ELF2: variants seen among roughly 807,000 people sequenced by gnomAD.
The protein encoded by ELF2 is ETS-related transcription factor Elf-2.
A neutral mutation model predicts 54.8 loss-of-function variants in ELF2; 11 were observed. The ratio of observed to expected loss-of-function variants is 0.20; its 90% CI spans 0.13 to 0.33. ELF2 has a LOEUF of 0.33. Ranked by LOEUF, ELF2 falls within the 10% of genes least tolerant of loss-of-function variation. ELF2 has a pLI of 1.00. For synonymous variants in ELF2, 203 were observed against 245.1 expected (o/e 0.83, Z 1.61); for missense variants, 513 against 703.0 (o/e 0.73, Z 3.06).
chr4:139,118,915 G>A (rs1005560494), intron 4 of ELF2, among the ~76,000 whole-genome samples: 2 of 146,164 alleles, frequency 1.4e-5, no homozygotes, highest in Non-Finnish European at 3.0e-5. Flanking sequence ...ACTCTGAAAA[G>A]GTTAAATACT....
intron 4 of ELF2, among the ~76,000 whole-genome samples, chr4:139,081,479 T>A (rs1466405742): frequency 2.0e-5 from 3 of 152,172 alleles, no homozygotes; most frequent in Non-Finnish European, 2.9e-5. Context: ...TGTATAAATA[T>A]CATTCTACAC....
intron 1 of ELF2, among the ~76,000 whole-genome samples, chr4:139,168,787 C>A (rs1741968286): frequency 6.6e-6 from 1 of 152,082 alleles, no homozygotes; most frequent in African/African-American, 2.4e-5. Context: ...AGGTGGGTCT[C>A]AAACTCCTGG....
chr4:139,146,178 C>T (rs940427816), intron 1 of ELF2, among the ~76,000 whole-genome samples: 1 of 152,146 alleles, frequency 6.6e-6, no homozygotes, highest in African/African-American at 2.4e-5. Flanking sequence ...TTAGTAAAAT[C>T]TTAGGTTACA....
At position 139,095,035 on chromosome 4, in the gene ELF2, AAAT is replaced by A. The variant is rs549077975; in HGVS notation, c.239-21471_239-21469del. Reference sequence around the variant, plus strand: ...TTTATGTGTTAATTAAGTCATCTGTAAATAATAACAATTTTGTTTCTTCTCTTC... The same window carrying A: ...TTTATGTGTTAATTAAGTCATCTGTAAATAACAATTTTGTTTCTTCTCTTC... On this transcript the variant is annotated intron_variant, in intron 4 of 9. Transcript: ENST00000686138. Among the ~76,000 whole-genome samples, 671 of 152,234 alleles carry A rather than the reference AAAT, an allele frequency of 4.4e-3. 8 individuals carry two copies. The highest frequency in any genetic ancestry group is 0.015 in the African/African-American group (639 of 41,542).
intron 4 of ELF2, among the ~76,000 whole-genome samples, chr4:139,076,002 TA>T: frequency 6.6e-6 from 1 of 152,322 alleles, no homozygotes; most frequent in East Asian, 1.9e-4. Context: ...CACTATACAC[TA>T]ACGATATGAA....
chr4:139,141,112 C>A (rs1467562441), intron 1 of ELF2, among the ~76,000 whole-genome samples: 1 of 152,154 alleles, frequency 6.6e-6, no homozygotes, highest in Admixed American at 6.5e-5. Flanking sequence ...CCCTTGCAGG[C>A]TCAACCCTCA....
intron 4 of ELF2, chr4:139,084,122 C>T (rs1296639635): frequency 6.2e-7 from 1 of 1,613,412 alleles, no homozygotes; most frequent in Non-Finnish European, 8.5e-7. Context: ...GAAAAGTTCC[C>T]CTGTCCTTAC....
intron 1 of ELF2, among the ~76,000 whole-genome samples, chr4:139,162,973 C>T (rs1250475388): frequency 6.6e-6 from 1 of 152,092 alleles, no homozygotes; most frequent in East Asian, 1.9e-4. Context: ...TAGCATGCTC[C>T]TGTAATCCCA....
intron 1 of ELF2, among the ~76,000 whole-genome samples, chr4:139,149,021 C>CA (rs1223557023): frequency 1.3e-5 from 2 of 152,168 alleles, no homozygotes; most frequent in Non-Finnish European, 2.9e-5. Context: ...GACTCAAAAA[C>CA]AAGATATTTT....
In ELF2 at chr4:139,059,375, C is replaced by A. The variant is rs569974845; in HGVS notation, c.1390G>T (p.Ala464Ser). Residue 464 changes from alanine (A) to serine (S), a missense_variant, in exon 10 of 10, where the codon GCT becomes TCT. By Grantham distance (99) the Ala-to-Ser change is moderately conservative (BLOSUM62 1). Around this residue, in one of 3 missense-constraint regions of ELF2, gnomAD observed 291 missense variants for 366.1 expected, o/e 0.79. Transcript: ENST00000686138. ...MQPAKIITIPATQLAQCQLQT... is the reference protein window; with the variant it reads ...MQPAKIITIPSTQLAQCQLQT... ...AGTTGACACTGTGCAAGCTGTGTAG[C>A]TGGGATGGTAATAATTTTGGCAGGC... The A allele has an allele frequency of 6.2e-7, 1 of 1,613,948 alleles. No individual in the cohort carries two copies. The highest frequency in any genetic ancestry group is 1.1e-5 in the South Asian group (1 of 91,078).
At chr4:139,114,704 G>A (rs1209281610) in intron 4 of ELF2, among the ~76,000 whole-genome samples, 2 of 135,858 alleles carry the variant, frequency 1.5e-5, no homozygotes, top group African/African-American at 5.5e-5. Context: ...CCCGCGCCAC[G>A]GAGTCAATAT....
rs567396691 is a variant in ELF2 at position 139,085,204 on chromosome 4, C to T, written c.239-11637G>A. ...TTAATGACTATAAATTTACTGAACA[C>T]AGGAAATCAAACCAATATAATGACG... On this transcript the variant is annotated intron_variant, in intron 4 of 9. Transcript: ENST00000686138. 3.3e-5 allele frequency among the ~76,000 whole-genome samples: 5 copies of T among 152,294 alleles called. No individual in the cohort carries two copies. The East Asian group carries it at 9.6e-4, about 29-fold the overall frequency.
chr4:139,130,322 C>G (rs1371557897), intron 3 of ELF2, among the ~76,000 whole-genome samples: 1 of 152,180 alleles, frequency 6.6e-6, no homozygotes, highest in Non-Finnish European at 1.5e-5. Context: ...GTTTAAGCAA[C>G]CTAGTTTACA....
intron 1 of ELF2, among the ~76,000 whole-genome samples, chr4:139,168,880 T>A (rs1741976044): frequency 6.6e-6 from 1 of 151,914 alleles, no homozygotes; most frequent in Admixed American, 6.6e-5. Context: ...AAAGAAAGAT[T>A]TTGATCAAAA....
intron 1 of ELF2, among the ~76,000 whole-genome samples, chr4:139,161,293 C>CTTCAGAACTG (rs1490691833): frequency 2.0e-5 from 3 of 152,110 alleles, no homozygotes; most frequent in African/African-American, 7.2e-5. Context: ...ATAGGAACAT[C>CTTCAGAACTG]TTCAGAACTG....
At chr4:139,144,075 T>G (rs901355804) in intron 1 of ELF2, among the ~76,000 whole-genome samples, 1 of 151,608 alleles carries the variant, frequency 6.6e-6, no homozygotes, top group East Asian at 1.9e-4. Context: ...AAAGAAGCAA[T>G]GCAGGAACTT....
intron 4 of ELF2, among the ~76,000 whole-genome samples, chr4:139,111,396 G>C (rs895440483): frequency 5.9e-5 from 9 of 151,720 alleles, no homozygotes; most frequent in Admixed American, 5.9e-4. Context: ...GTTTGCCCAG[G>C]CTGGAGCAGT....
intron 3 of ELF2, among the ~76,000 whole-genome samples, chr4:139,130,200 G>C (rs1315336486): frequency 6.6e-6 from 1 of 151,474 alleles, no homozygotes; most frequent in Non-Finnish European, 1.5e-5. Context: ...GCATTAAAGA[G>C]ATTCTCCCTC....
intron 1 of ELF2, among the ~76,000 whole-genome samples, chr4:139,139,743 G>GT (rs1271937503): frequency 6.6e-6 from 1 of 151,700 alleles, no homozygotes; most frequent in Non-Finnish European, 1.5e-5. Context: ...CAGAATCAAC[G>GT]TATGAAGCCT....
Sources: allele counts gnomAD v4.1 joint callset (sites outside exome capture counted in the v4.1 genomes callset), GRCh38; gene constraint gnomAD v4.1.1; regional missense constraint gnomAD v4.1.1; transcripts MANE v1.5; gene names NCBI Gene and HGNC (gene_info 2026-07-23, HGNC 2026-07-21).